CADM2: variants seen among roughly 807,000 people sequenced by gnomAD.
CADM2 encodes the protein immunoglobulin superfamily member 4D.
In CADM2, 12 loss-of-function variants were observed where a neutral mutation model predicts 49.8. The observed-to-expected ratio is 0.24, with a 90% CI of 0.15 to 0.39. CADM2 has a LOEUF of 0.39. Ranked by LOEUF, CADM2 falls within the 10% of genes least tolerant of loss-of-function variation. The probability of loss-of-function intolerance (pLI) is 1.00; values close to 1 mark genes in which losing one functional copy is unlikely to be tolerated. For missense variants in CADM2, 378 were observed against 492.3 expected, an observed-to-expected ratio of 0.77 and a Z score of 2.20; for synonymous variants, 214 against 175.4, an observed-to-expected ratio of 1.22 and a Z score of -1.74.
intron 1 of CADM2, among the ~76,000 whole-genome samples, chr3:85,690,355 A>C (rs763872582): frequency 2.6e-5 from 4 of 152,170 alleles, no homozygotes; most frequent in Non-Finnish European, 5.9e-5. Context: ...TTGGAGACCA[A>C]AGAATTATGA....
At chr3:85,508,609 C>T (rs554419821) in intron 1 of CADM2, among the ~76,000 whole-genome samples, 25 of 152,064 alleles carry the variant, frequency 1.6e-4, no homozygotes, top group African/African-American at 4.1e-4. Context: ...GAAATGCTTT[C>T]GGCTAGAAGA....
At chr3:85,936,013 G>A (rs957889747) in intron 7 of CADM2, among the ~76,000 whole-genome samples, 156 bp downstream of exon 7, 2 of 151,448 alleles carry the variant, frequency 1.3e-5, no homozygotes, top group Non-Finnish European at 3.0e-5. Context: ...TCTTCATTAA[G>A]GTCTATGGAA....
intron 1 of CADM2, among the ~76,000 whole-genome samples, chr3:85,203,315 A>ATTG (rs1430602030): frequency 6.6e-6 from 1 of 152,090 alleles, no homozygotes; most frequent in East Asian, 1.9e-4. Context: ...TTAAGAGGAT[A>ATTG]TTGTGGGGTG....
intron 1 of CADM2, among the ~76,000 whole-genome samples, chr3:85,225,036 A>T (rs1024501526): frequency 6.6e-6 from 1 of 152,120 alleles, no homozygotes; most frequent in African/African-American, 2.4e-5. Context: ...AGGTAGTGTG[A>T]TGCCTCCAGC....
At chr3:85,078,500 A>T (rs1046775136) in intron 1 of CADM2, among the ~76,000 whole-genome samples, 4 of 151,730 alleles carry the variant, frequency 2.6e-5, no homozygotes, top group Admixed American at 1.3e-4. Flanking sequence ...CAGGATAAAG[A>T]CTCTTTTGTA....
chr3:85,003,439 ATTAT>A (rs2033571968), intron 1 of CADM2, among the ~76,000 whole-genome samples: 1 of 152,194 alleles, frequency 6.6e-6, no homozygotes. Context: ...AACTGAAAGC[ATTAT>A]ATTAAATGGC....
chr3:86,015,063 C>G (rs974206694), intron 8 of CADM2: 3 of 724,056 alleles, frequency 4.1e-6, no homozygotes, highest in Non-Finnish European at 7.2e-6. Context: ...ACACGTTAAA[C>G]CCTATACAAG....
chr3:85,987,635 T>C (rs952151941), intron 8 of CADM2, among the ~76,000 whole-genome samples: 1 of 146,846 alleles, frequency 6.8e-6, no homozygotes. Flanking sequence ...AATATTATAA[T>C]AAAATATGTT....
At chr3:85,707,557 C>A (rs1220835299) in intron 1 of CADM2, among the ~76,000 whole-genome samples, 1 of 151,980 alleles carries the variant, frequency 6.6e-6, no homozygotes, top group Admixed American at 6.6e-5. Flanking sequence ...AGTACATCTG[C>A]ACTGAAAAAT....
At chr3:85,396,279 G>A (rs998444937) in intron 1 of CADM2, among the ~76,000 whole-genome samples, 1 of 151,630 alleles carries the variant, frequency 6.6e-6, no homozygotes, top group African/African-American at 2.4e-5. Flanking sequence ...CCAATTAGAT[G>A]TCATTATTCA....
chr3:85,868,173 A>T (rs1399409613), intron 3 of CADM2, among the ~76,000 whole-genome samples: 1 of 152,072 alleles, frequency 6.6e-6, no homozygotes, highest in Admixed American at 6.5e-5. Context: ...TCCGTTAGAT[A>T]CATTTTCTAT....
chr3:85,752,213 C>G (rs1002507380), intron 2 of CADM2, among the ~76,000 whole-genome samples: 1 of 151,966 alleles, frequency 6.6e-6, no homozygotes, highest in Non-Finnish European at 1.5e-5. Flanking sequence ...AAGATGAGGC[C>G]TAGCCAGCAT....
intron 2 of CADM2, among the ~76,000 whole-genome samples, chr3:85,766,134 T>A (rs1039629377): frequency 6.6e-6 from 1 of 152,116 alleles, no homozygotes; most frequent in Admixed American, 6.6e-5. Context: ...TAATACCTAA[T>A]TTTTACAAGG....
chr3:85,599,533 C>A (rs981627272), intron 1 of CADM2, among the ~76,000 whole-genome samples: 6 of 151,872 alleles, frequency 4.0e-5, no homozygotes, highest in African/African-American at 1.2e-4. Flanking sequence ...TAATATTATT[C>A]CTTCTTATTT....
intron 8 of CADM2, chr3:85,979,356 A>G (rs1727196106): frequency 6.6e-7 from 1 of 1,504,454 alleles, no homozygotes; most frequent in Admixed American, 1.9e-5. Flanking sequence ...TAGAAAGGTT[A>G]AAAACATTGA....
intron 1 of CADM2, among the ~76,000 whole-genome samples, chr3:85,703,250 A>G (rs17023190): frequency 0.018 from 2,702 of 152,256 alleles, 47 homozygotes; most frequent in Non-Finnish European, 0.028. Context: ...GCTAAATGCC[A>G]TTCAGGTGAT....
chr3:85,847,382 T>C (rs1212963170), intron 3 of CADM2, among the ~76,000 whole-genome samples: 1 of 152,190 alleles, frequency 6.6e-6, no homozygotes, highest in African/African-American at 2.4e-5. Context: ...TGGGATCACA[T>C]AGGAAATCAG....
intron 7 of CADM2, among the ~76,000 whole-genome samples, chr3:85,943,704 TAGATCA>T: frequency 6.6e-6 from 1 of 151,920 alleles, no homozygotes; most frequent in African/African-American, 2.4e-5. Context: ...AACAGAGATA[TAGATCA>T]ATGGAACCAA....
intron 1 of CADM2, among the ~76,000 whole-genome samples, chr3:85,452,436 T>C (rs1333620163): frequency 6.6e-6 from 1 of 152,144 alleles, no homozygotes; most frequent in African/African-American, 2.4e-5. Flanking sequence ...TATAATATCC[T>C]CAAAAGCTAT....
Sources: allele counts gnomAD v4.1 joint callset (sites outside exome capture counted in the v4.1 genomes callset), GRCh38; gene constraint gnomAD v4.1.1; transcripts MANE v1.5; gene names NCBI Gene and HGNC (gene_info 2026-07-23, HGNC 2026-07-21).